Variants in TEX48 observed in about 807,000 individuals in gnomAD.
TEX48 encodes the protein testis-expressed protein 48.
In TEX48, 10 loss-of-function variants were observed where a neutral mutation model predicts 13.2. That is an observed-to-expected ratio of 0.75 (90% CI 0.47 to 1.28). The LOEUF (loss-of-function observed/expected upper bound fraction) is 1.28. Among genes scored for constraint, TEX48 ranks in the 50% most tolerant of loss-of-function variants. The probability of loss-of-function intolerance (pLI) is 0.00; values close to 1 mark genes in which losing one functional copy is unlikely to be tolerated. For synonymous variants in TEX48, 45 were observed against 52.3 expected, an observed-to-expected ratio of 0.86 and a Z score of 0.60; for missense variants, 116 against 139.4, an observed-to-expected ratio of 0.83 and a Z score of 0.84.
chr9:114,678,935 C>G (rs7045285), intron 1 of TEX48, among the ~76,000 whole-genome samples: 22,194 of 151,448 alleles, frequency 0.15, 2,588 homozygotes, highest in African/African-American at 0.33. Context: ...AATAACCTAT[C>G]TATGCATAAT....
intron 1 of TEX48, among the ~76,000 whole-genome samples, chr9:114,674,618 CTT>C (rs1828021936): frequency 2.6e-5 from 2 of 77,718 alleles, no homozygotes; most frequent in Admixed American, 1.5e-4. Context: ...TCCTTCCTTC[CTT>C]CCTTCCTTCC....
intron 4 of TEX48, among the ~76,000 whole-genome samples, chr9:114,667,089 C>T (rs906644837): frequency 1.3e-5 from 2 of 152,142 alleles, no homozygotes; most frequent in African/African-American, 2.4e-5. Flanking sequence ...GAGCCTCACC[C>T]CTATGGGGGG....
At chr9:114,676,086 G>A (rs1828055873) in intron 1 of TEX48, among the ~76,000 whole-genome samples, 1 of 152,212 alleles carries the variant, frequency 6.6e-6, no homozygotes, top group Non-Finnish European at 1.5e-5. Context: ...ATAAACACTT[G>A]TTGAAACGTT....
chr9:114,671,276 T>C, intron 3 of TEX48, 107 bp downstream of exon 3: 1 of 1,296,268 alleles, frequency 7.7e-7, no homozygotes, highest in Non-Finnish European at 1.0e-6. Flanking sequence ...ATTGGAATTA[T>C]CACTCAGTGA....
Position 114,671,727 on chromosome 9 carries a change from A to G in TEX48, c.-4T>C. 6.5e-7 allele frequency: 1 copy of G among 1,535,654 alleles called. No individual in the cohort carries two copies. The highest frequency in any genetic ancestry group is 8.7e-7 in the Non-Finnish European group (1 of 1,146,876). Reference sequence around the variant, plus strand: ...TGTACAAAGTTTTCTTACCCATGGAAAGGAGTTGAAACTTCTACTCTGCCA... The same window carrying G: ...TGTACAAAGTTTTCTTACCCATGGAGAGGAGTTGAAACTTCTACTCTGCCA... On this transcript the variant is annotated 5_prime_UTR_variant, in exon 2 of 5. Transcript: ENST00000436752.
intron 1 of TEX48, among the ~76,000 whole-genome samples, chr9:114,678,945 T>A (rs1329086100): frequency 6.6e-6 from 1 of 151,534 alleles, no homozygotes; most frequent in Non-Finnish European, 1.5e-5. Context: ...CTATGCATAA[T>A]ATTTTTAAGC....
intron 1 of TEX48, 70 bp from the exon 2 acceptor site, chr9:114,671,897 T>C (rs1435437552): frequency 1.5e-6 from 1 of 678,424 alleles, no homozygotes; most frequent in African/African-American, 1.8e-5. Context: ...AGATAGGATC[T>C]AATGACAGCA....
chr9:114,674,842 CTTT>C (rs79196358), intron 1 of TEX48, among the ~76,000 whole-genome samples: 10 of 135,098 alleles, frequency 7.4e-5, no homozygotes, highest in Admixed American at 7.5e-5. Flanking sequence ...CCAGCAAATT[CTTT>C]TTTTTTTTTT....
At chr9:114,668,058 G>T in intron 4 of TEX48, 148 bp downstream of exon 4, 1 of 993,458 alleles carries the variant, frequency 1.0e-6, no homozygotes, top group Non-Finnish European at 1.5e-6. Flanking sequence ...TCCCCAGTGT[G>T]CTCTGGAATA....
At chr9:114,681,740 G>T (rs1828204578) in intron 1 of TEX48, among the ~76,000 whole-genome samples, 1 of 149,346 alleles carries the variant, frequency 6.7e-6, no homozygotes, top group East Asian at 2.0e-4. Flanking sequence ...GTCCCCAGTG[G>T]GTATGAACTT....
intron 1 of TEX48, among the ~76,000 whole-genome samples, chr9:114,672,893 G>C (rs567196104): frequency 1.3e-5 from 2 of 152,158 alleles, no homozygotes; most frequent in African/African-American, 4.8e-5. Context: ...TATTGGGTAG[G>C]GTTAACAACA....
At chr9:114,671,623 A>T in intron 2 of TEX48, 97 bp downstream of exon 2, 1 of 1,528,520 alleles carries the variant, frequency 6.5e-7, no homozygotes, top group Non-Finnish European at 8.8e-7. Flanking sequence ...CATTAATATA[A>T]TACTCCTCCC....
At chr9:114,676,162 C>A (rs950641424) in intron 1 of TEX48, among the ~76,000 whole-genome samples, 2 of 151,994 alleles carry the variant, frequency 1.3e-5, no homozygotes, top group African/African-American at 2.4e-5. Flanking sequence ...TTTTCTTTTT[C>A]TTTTCTTTTT....
At chr9:114,679,946 G>A (rs776372291) in intron 1 of TEX48, among the ~76,000 whole-genome samples, 1 of 152,030 alleles carries the variant, frequency 6.6e-6, no homozygotes. Flanking sequence ...CTGCACCATT[G>A]CTAACACTCC....
chr9:114,670,995 GC>G (rs2133758705), intron 3 of TEX48, among the ~76,000 whole-genome samples: 1 of 152,182 alleles, frequency 6.6e-6, no homozygotes, highest in African/African-American at 2.4e-5. Flanking sequence ...AACATGTATT[GC>G]CCCCAAAACA....
intron 4 of TEX48, 62 bp from the exon 5 acceptor site, chr9:114,666,808 T>C: frequency 1.2e-6 from 1 of 834,420 alleles, no homozygotes; most frequent in Non-Finnish European, 1.9e-6. Context: ...TTTGATGAAC[T>C]GTTTTGGTTG....
At position 114,668,217 on chromosome 9, in the gene TEX48, C is replaced by G. The variant is rs1043545448; in HGVS notation, c.248G>C (p.Ser83Thr). The G allele has an allele frequency of 7.2e-6, 11 of 1,535,574 alleles. No individual in the cohort carries two copies. The highest frequency in any genetic ancestry group is 9.6e-6 in the Non-Finnish European group (11 of 1,146,904). Reference protein sequence around the residue: ...QTKKSTSSSSSEFEDLNAYAS... With the variant: ...QTKKSTSSSSTEFEDLNAYAS... Reference sequence around the variant, plus strand: ...AATTTGGGACTCACCCTCAAACTCACTGCTGCTGGAGGAAGTGCTCTTTTT... The same window carrying G: ...AATTTGGGACTCACCCTCAAACTCAGTGCTGCTGGAGGAAGTGCTCTTTTT... The change falls in exon 4 of 5, where the codon AGT (serine) becomes ACT (threonine). Residue 83 changes from serine (S) to threonine (T), a missense_variant. By Grantham distance (58) the Ser-to-Thr change is moderately conservative (BLOSUM62 1). Transcript: ENST00000436752.
chr9:114,672,827 A>G (rs893357008), intron 1 of TEX48, among the ~76,000 whole-genome samples: 4 of 152,242 alleles, frequency 2.6e-5, no homozygotes, highest in Non-Finnish European at 4.4e-5. Flanking sequence ...TGGAAACTCA[A>G]ATAGAATCAA....
chr9:114,668,457 G>T, intron 3 of TEX48, 120 bp from the exon 4 acceptor site: 1 of 809,634 alleles, frequency 1.2e-6, no homozygotes, highest in Non-Finnish European at 2.0e-6. Flanking sequence ...TATGGGGTGG[G>T]GGTGTACCTG....
Sources: gnomAD v4.1 joint callset for allele counts (sites outside exome capture counted in the v4.1 genomes callset) on GRCh38, gnomAD v4.1.1 for gene constraint, MANE v1.5 for transcripts, NCBI Gene and HGNC (gene_info 2026-07-23, HGNC 2026-07-21) for gene names.